Variants in ADAM10 observed in about 807,000 individuals in gnomAD.
ADAM10 encodes disintegrin and metalloproteinase domain-containing protein 10.
Under a neutral mutation model 90.1 loss-of-function variants are expected in ADAM10, and 17 were observed. The observed-to-expected ratio is 0.19, with a 90% CI of 0.13 to 0.28. The LOEUF (loss-of-function observed/expected upper bound fraction) is 0.28. ADAM10 is among the 10% of genes least tolerant of loss of function. ADAM10 has a pLI of 1.00. For missense variants in ADAM10, 610 were observed against 914.3 expected, an observed-to-expected ratio of 0.67 and a Z score of 4.29; for synonymous variants, 310 against 298.6, an observed-to-expected ratio of 1.04 and a Z score of -0.40.
At chr15:58,645,310 G>A (rs1448821707) in intron 6 of ADAM10, among the ~76,000 whole-genome samples, 15 of 152,104 alleles carry the variant, frequency 9.9e-5, no homozygotes, top group African/African-American at 3.4e-4. Context: ...TTACTATTAT[G>A]TTTTCCTCAC....
rs1894915374 is a variant in ADAM10 at position 58,595,084 on chromosome 15, G to C, written c.*2463C>G. The C allele has an allele frequency of 6.6e-6, 1 of 151,898 alleles. No homozygotes were observed. The highest frequency in any genetic ancestry group is 1.5e-5 in the Non-Finnish European group (1 of 67,938). The allele number at this position is 151,898 out of a possible 1,614,324, so 9.4% of individuals were successfully genotyped here. A position where few individuals can be genotyped will look rare whatever the true frequency, so the allele number is the denominator to read the frequency against. On this transcript the variant is annotated 3_prime_UTR_variant, in exon 16 of 16. Coordinates refer to ENST00000260408, the MANE Select transcript of ADAM10 (RefSeq NM_001110.4). ...CTTTTTAAAATAAATGAGGTACTTAGCATTCAAAACTTTGAAAAACACATA... is the reference window on the plus strand; with the variant it reads ...CTTTTTAAAATAAATGAGGTACTTACCATTCAAAACTTTGAAAAACACATA...
At chr15:58,659,897 T>C (rs1896927520) in intron 5 of ADAM10, among the ~76,000 whole-genome samples, 1 of 152,140 alleles carries the variant, frequency 6.6e-6, no homozygotes, top group Non-Finnish European at 1.5e-5. Context: ...CCCAGCTAAC[T>C]TTGGTTGTGG....
At chr15:58,723,010 G>A (rs1438734939) in intron 1 of ADAM10, among the ~76,000 whole-genome samples, 5 of 152,118 alleles carry the variant, frequency 3.3e-5, no homozygotes. Flanking sequence ...GGGATTACAG[G>A]TGTGAGCCAC....
intron 14 of ADAM10, among the ~76,000 whole-genome samples, chr15:58,600,147 G>A (rs1895069431): frequency 6.6e-6 from 1 of 151,944 alleles, no homozygotes; most frequent in African/African-American, 2.4e-5. Flanking sequence ...AATGGATAAT[G>A]TGCCAATGCC....
chr15:58,666,376 G>C (rs1424025247), intron 4 of ADAM10, among the ~76,000 whole-genome samples: 1 of 151,656 alleles, frequency 6.6e-6, no homozygotes, highest in Non-Finnish European at 1.5e-5. Flanking sequence ...AGAAAAACTA[G>C]TAATTCCAGT....
chr15:58,618,475 A>G (rs2141005969), intron 11 of ADAM10, among the ~76,000 whole-genome samples: 1 of 152,334 alleles, frequency 6.6e-6, no homozygotes, highest in Non-Finnish European at 1.5e-5. Flanking sequence ...TTTGAGTAAG[A>G]CCTCAATACT....
chr15:58,618,824 G>T (rs1383495338), intron 11 of ADAM10, among the ~76,000 whole-genome samples: 1 of 152,014 alleles, frequency 6.6e-6, no homozygotes, highest in Admixed American at 6.6e-5. Flanking sequence ...CAGTAAAAAT[G>T]ACCATTATCA....
At chr15:58,651,605 G>A (rs1479391917) in intron 5 of ADAM10, among the ~76,000 whole-genome samples, 1 of 152,114 alleles carries the variant, frequency 6.6e-6, no homozygotes, top group Non-Finnish European at 1.5e-5. Context: ...CTGTTTTATG[G>A]CTAAATAGTA....
At chr15:58,674,276 T>C (rs1897264515) in intron 4 of ADAM10, among the ~76,000 whole-genome samples, 1 of 152,192 alleles carries the variant, frequency 6.6e-6, no homozygotes, top group Admixed American at 6.5e-5. Context: ...TCACTGTGCT[T>C]AAATAAGTTC....
In ADAM10 at chr15:58,611,720, TTTAA is replaced by T. The variant is rs1202874753; in HGVS notation, c.1695+84_1695+87del. ...TTAAACAGAGACCAAGATTAATTAC[TTTAA>T]CTATGTAGCTTTAAGCATCAATAAT... is the stretch of plus-strand genomic sequence containing the variant. On this transcript the variant is annotated intron_variant, in intron 12 of 15. Coordinates refer to ENST00000260408, the MANE Select transcript of ADAM10 (RefSeq NM_001110.4). 2.3e-6 allele frequency: 3 copies of T among 1,289,038 alleles called. No homozygotes were observed. The African/African-American group carries it at 4.5e-5, about 19-fold the overall frequency. The allele number at this position is 1,289,038 out of a possible 1,614,324, so 79.9% of individuals were successfully genotyped here. A position where few individuals can be genotyped will look rare whatever the true frequency, so the allele number is the denominator to read the frequency against.
intron 5 of ADAM10, among the ~76,000 whole-genome samples, chr15:58,654,365 C>T (rs1188671114): frequency 1.3e-5 from 2 of 152,030 alleles, no homozygotes. Context: ...CTGTATCCTA[C>T]GCGTTGTGTT....
chr15:58,602,649 T>C (rs1280710834), intron 14 of ADAM10, among the ~76,000 whole-genome samples: 2 of 152,214 alleles, frequency 1.3e-5, no homozygotes, highest in Non-Finnish European at 2.9e-5. Flanking sequence ...TTCATATATA[T>C]ATTCAATTTT....
intron 2 of ADAM10, among the ~76,000 whole-genome samples, chr15:58,683,859 C>CAAAAAAA (rs71425819): frequency 9.2e-4 from 62 of 67,206 alleles, no homozygotes; most frequent in East Asian, 2.0e-3. Flanking sequence ...GGCTCCATCT[C>CAAAAAAA]AAAAAAAAAA....
At chr15:58,610,622 A>G (rs1895412630) in intron 13 of ADAM10, 105 bp from the exon 14 acceptor site, 8 of 1,099,442 alleles carry the variant, frequency 7.3e-6, no homozygotes, top group Non-Finnish European at 1.1e-5. Flanking sequence ...AACTGAAATC[A>G]TTACCATAAC....
At chr15:58,735,187 T>C (rs757027122) in intron 1 of ADAM10, among the ~76,000 whole-genome samples, 2 of 152,218 alleles carry the variant, frequency 1.3e-5, no homozygotes, top group Non-Finnish European at 2.9e-5. Context: ...CTCCTTGTTA[T>C]AGATCTTCCT....
At chr15:58,742,553 A>C (rs1899649499) in intron 1 of ADAM10, among the ~76,000 whole-genome samples, 1 of 152,226 alleles carries the variant, frequency 6.6e-6, no homozygotes, top group Non-Finnish European at 1.5e-5. Context: ...ATTCCCTGAG[A>C]AATATTCTCA....
At chr15:58,654,545 A>G (rs751365965) in intron 5 of ADAM10, among the ~76,000 whole-genome samples, 23 of 152,024 alleles carry the variant, frequency 1.5e-4, no homozygotes, top group Non-Finnish European at 2.9e-4. Flanking sequence ...CACCTGGCTA[A>G]TTTTTAAACT....
In ADAM10 at chr15:58,594,702, G is replaced by A. The variant is rs992589242; in HGVS notation, c.*2845C>T. Reference sequence around the variant, plus strand: ...CTGGGGAGGGAGGGATGGAGGGAGAGAGGACGGACTGTAAACAGAATTTAA... The same window carrying A: ...CTGGGGAGGGAGGGATGGAGGGAGAAAGGACGGACTGTAAACAGAATTTAA... On this transcript the variant is annotated 3_prime_UTR_variant, in exon 16 of 16. Transcript: ENST00000260408. 5.9e-5 allele frequency: 9 copies of A among 152,130 alleles called. No individual in the cohort carries two copies. Among genetic ancestry groups the A allele is most frequent in the Admixed American group, 5.2e-4 (8 of 15,264 alleles). 9.4% of individuals were successfully genotyped at this position (152,130 alleles called of 1,614,324 possible).
chr15:58,706,735 G>A (rs1567005150), intron 2 of ADAM10, among the ~76,000 whole-genome samples: 1 of 152,146 alleles, frequency 6.6e-6, no homozygotes, highest in Non-Finnish European at 1.5e-5. Context: ...GCTCGGCCAG[G>A]TACGGTGGCT....
Sources: allele counts gnomAD v4.1 joint callset (sites outside exome capture counted in the v4.1 genomes callset), GRCh38; gene constraint gnomAD v4.1.1; transcripts MANE v1.5; gene names NCBI Gene and HGNC (gene_info 2026-07-23, HGNC 2026-07-21).